The following TOB2 variants were observed in gnomAD, a reference collection of about 807,000 sequenced individuals.
TOB2 encodes the protein transducer of ERBB2, 2.
TOB2 carries 3 observed loss-of-function variants against 17.3 expected under a neutral mutation model. The observed-to-expected ratio is 0.17, with a 90% CI of 0.08 to 0.45. The LOEUF (loss-of-function observed/expected upper bound fraction) is 0.45. Among genes scored for constraint, TOB2 ranks in the 20% least tolerant of loss-of-function variants. The pLI, the probability that TOB2 is intolerant of heterozygous loss-of-function variation, is 0.99. For synonymous variants in TOB2, 163 were observed against 185.6 expected (o/e 0.88, Z 0.99); for missense variants, 407 against 445.7 (o/e 0.91, Z 0.78).
rs1233428194 is a variant in TOB2 at position 41,437,281 on chromosome 22, C to T, written c.65G>A (p.Arg22Gln). Residue 22 changes from arginine (R) to glutamine (Q), a missense_variant, in exon 2 of 2, where the codon CGG (arginine) becomes CAG (glutamine). Physicochemically the swap from Arg to Gln is conservative, Grantham distance 43. Transcript: ENST00000327492. ...IISYLYNKLPRRRADLFGEEL... is the reference protein window; with the variant it reads ...IISYLYNKLPQRRADLFGEEL... Reference sequence around the variant, plus strand: ...CTCCCCAAACAGGTCTGCCCGGCGCCGGGGCAGCTTGTTGTACAAGTAGGA... The same window carrying T: ...CTCCCCAAACAGGTCTGCCCGGCGCTGGGGCAGCTTGTTGTACAAGTAGGA... 3 of 1,614,108 alleles carry T rather than the reference C, an allele frequency of 1.9e-6. No individual in the cohort carries two copies. The highest frequency in any genetic ancestry group is 2.2e-5 in the East Asian group (1 of 44,872).
In TOB2 at chr22:41,436,571, C is replaced by T; in HGVS notation, c.775G>A (p.Glu259Lys). 1.9e-6 allele frequency: 3 copies of T among 1,610,412 alleles called. No individual in the cohort carries two copies. The highest frequency in any genetic ancestry group is 2.5e-6 in the Non-Finnish European group (3 of 1,178,362). The change falls in exon 2 of 2, where the codon GAG becomes AAG. Residue 259 changes from glutamate to lysine, a missense_variant. Physicochemically the swap from Glu to Lys is moderately conservative, Grantham distance 56. Transcript: ENST00000327492. This position sits in a 1 kb window ranked among gnomAD's most constrained non-coding sequence, Gnocchi z 4.8. The part of the protein sequence containing the change: ...PQSQLSPNAK[E>K]FVYNGGGSPS... ...GAGCCACCACCGTTGTACACGAACT[C>T]CTTGGCATTGGGTGAGAGCTGGGAC...
At position 41,437,313 on chromosome 22, in the gene TOB2, G is replaced by T; in HGVS notation, c.33C>A (p.Phe11Leu). The stretch of plus-strand genomic sequence containing the variant: ...GCTTGTTGTACAAGTAGGAGATGAT[G>T]AAGTTCAGGGCCACTTTGATCTCTA... MQLEIKVALN[F>L]IISYLYNKLP... Residue 11 changes from phenylalanine to leucine, a missense_variant, in exon 2 of 2, where the codon TTC becomes TTA. By Grantham distance (22) the Phe-to-Leu change is conservative (BLOSUM62 0). Transcript: ENST00000327492. 6.2e-7 allele frequency: 1 copy of T among 1,613,946 alleles called. No homozygotes were observed. The highest frequency in any genetic ancestry group is 1.1e-5 in the South Asian group (1 of 91,074).
At chr22:41,441,229 C>T (rs565826424) in intron 1 of TOB2, among the ~76,000 whole-genome samples, 1 of 151,248 alleles carries the variant, frequency 6.6e-6, no homozygotes, top group Admixed American at 6.6e-5. Context: ...GCAGGAGAAT[C>T]GCTTGAACCC....
chr22:41,443,276 C>T (rs1222098135), intron 1 of TOB2, among the ~76,000 whole-genome samples: 3 of 152,126 alleles, frequency 2.0e-5, no homozygotes, highest in African/African-American at 7.2e-5. Flanking sequence ...GTGTGTCACA[C>T]GCGCGCGCAT....
chr22:41,445,939 AC>A (rs906295786), intron 1 of TOB2, among the ~76,000 whole-genome samples: 5 of 150,818 alleles, frequency 3.3e-5, no homozygotes, highest in African/African-American at 1.2e-4. Flanking sequence ...AACAATTACC[AC>A]CCCCCTTCCC....
chr22:41,444,361 C>G (rs1601853797), intron 1 of TOB2, among the ~76,000 whole-genome samples: 1 of 152,352 alleles, frequency 6.6e-6, no homozygotes, highest in Middle Eastern at 3.4e-3. Context: ...CCCCTTTCGG[C>G]TATGAAGACC....
rs1158004375 is a variant in TOB2, at chr22:41,436,844, G to C, written c.502C>G (p.Pro168Ala). 1 of 1,614,154 alleles carries C rather than the reference G, an allele frequency of 6.2e-7. No individual in the cohort carries two copies. The highest frequency in any genetic ancestry group is 1.3e-5 in the African/African-American group (1 of 75,058). Reference sequence around the variant, plus strand: ...AAGGTGATGGGCTGAGCGGAGCGGGGAATGAAGGTAGGGCTGGGTGACTGG... The same window carrying C: ...AAGGTGATGGGCTGAGCGGAGCGGGCAATGAAGGTAGGGCTGGGTGACTGG... ...FGQSPSPTFI[P>A]RSAQPITFTT... Residue 168 changes from proline to alanine, a missense_variant, in exon 2 of 2, where the codon CCC becomes GCC. Transcript: ENST00000327492. This position sits in a 1 kb window ranked among gnomAD's most constrained non-coding sequence, Gnocchi z 4.8.
chr22:41,436,114 G>A lies in TOB2; in HGVS notation c.*197C>T, dbSNP rs777840923. The A allele has an allele frequency of 1.6e-4, 90 of 547,790 alleles. 1 individual carries two copies. The highest frequency in any genetic ancestry group is 1.4e-4 in the Non-Finnish European group (49 of 340,786). The allele number at this position is 547,790 out of a possible 1,614,324, so 33.9% of individuals were successfully genotyped here. On this transcript the variant is annotated 3_prime_UTR_variant, in exon 2 of 2. Coordinates refer to ENST00000327492, the MANE Select transcript of TOB2 (RefSeq NM_016272.4). This position sits in a 1 kb window ranked among gnomAD's most constrained non-coding sequence, Gnocchi z 4.8. ...ATAAATCACAGGCCGGTGGGCGAGC[G>A]GTAAGGGGTGAGTGAAACACACTTG... is the stretch of plus-strand genomic sequence containing the variant.
At position 41,436,474 on chromosome 22, in the gene TOB2, G is replaced by A; in HGVS notation, c.872C>T (p.Ala291Val). Residue 291 changes from alanine to valine, a missense_variant, in exon 2 of 2, where the codon GCT (alanine) becomes GTT (valine). Transcript: ENST00000327492. The surrounding 1 kb of genome is among the most constrained non-coding windows in gnomAD (Gnocchi z 4.8). ...AAAGCTGCTGCTGTTGCAGGTGCCA[G>A]CCCCACTGCCTCCAAACGGGCCTGG... Reference protein sequence around the residue: ...GTPGPFGGSGAGTCNSSSFDM... With the variant: ...GTPGPFGGSGVGTCNSSSFDM... 6.2e-7 allele frequency: 1 copy of A among 1,614,186 alleles called. No homozygotes were observed. Among genetic ancestry groups the A allele is most frequent in the Non-Finnish European group, 8.5e-7 (1 of 1,180,026 alleles).
Position 41,435,517 on chromosome 22 carries a change from C to G in TOB2, c.*794G>C, listed in dbSNP as rs1342359343. ...CCCCTCCCTACCCACAACATCCAGC[C>G]TGGGGAAGAAGGGGCTGCATGAGGG... On this transcript the variant is annotated 3_prime_UTR_variant, in exon 2 of 2. Coordinates refer to ENST00000327492, the MANE Select transcript of TOB2 (RefSeq NM_016272.4). 1 of 152,610 alleles carries G rather than the reference C, an allele frequency of 6.6e-6. No homozygotes were observed. Among genetic ancestry groups the G allele is most frequent in the Admixed American group, 6.5e-5 (1 of 15,284 alleles). The allele number at this position is 152,610 out of a possible 1,614,324, so 9.5% of individuals were successfully genotyped here.
Position 41,436,496 on chromosome 22 carries a change from C to T in TOB2, c.850G>A (p.Gly284Ser). 1 of 1,613,862 alleles carries T rather than the reference C, an allele frequency of 6.2e-7. No individual in the cohort carries two copies. The highest frequency in any genetic ancestry group is 8.5e-7 in the Non-Finnish European group (1 of 1,179,888). Residue 284 changes from glycine to serine, a missense_variant, in exon 2 of 2, where the codon GGC becomes AGC. Gly to Ser is a moderately conservative substitution (Grantham distance 56, BLOSUM62 0). Coordinates refer to ENST00000327492, the MANE Select transcript of TOB2 (RefSeq NM_016272.4). The surrounding 1 kb of genome is among the most constrained non-coding windows in gnomAD (Gnocchi z 4.8). ...CCAGCCCCACTGCCTCCAAACGGGC[C>T]TGGGGTGCCGCTGCCCTGGCCATCG... ...AADGQGSGTP[G>S]PFGGSGAGTC...
At chr22:41,441,925 G>GA (rs1363591293) in intron 1 of TOB2, among the ~76,000 whole-genome samples, 1 of 148,046 alleles carries the variant, frequency 6.8e-6, no homozygotes, top group Non-Finnish European at 1.5e-5. Flanking sequence ...AAAAAGAAAA[G>GA]AAAAAACCCC....
intron 1 of TOB2, among the ~76,000 whole-genome samples, chr22:41,441,270 G>A (rs998956826): frequency 3.3e-5 from 5 of 150,488 alleles, no homozygotes; most frequent in Non-Finnish European, 7.4e-5. Context: ...AGCTGAGATC[G>A]TGCCATTGCA....
In TOB2 at chr22:41,436,891, T is replaced by A; in HGVS notation, c.455A>T (p.Asn152Ile). 3 of 1,613,388 alleles carry A rather than the reference T, an allele frequency of 1.9e-6. No homozygotes were observed. ...CTGGCCAAAGGATGGCGATGGGGAG[T>A]TGGACAGGGAGCTGTCCTGGCTGCC... ...PIGSQDSSLS[N>I]SPSPSFGQSP... The change falls in exon 2 of 2, where the codon AAC becomes ATC. Residue 152 changes from asparagine to isoleucine, a missense_variant. By Grantham distance (149) the Asn-to-Ile change is moderately radical. Transcript: ENST00000327492. The surrounding 1 kb of genome is among the most constrained non-coding windows in gnomAD (Gnocchi z 4.8).
intron 1 of TOB2, among the ~76,000 whole-genome samples, chr22:41,442,961 CAAG>C (rs2037635445): frequency 1.3e-5 from 2 of 152,130 alleles, no homozygotes; most frequent in African/African-American, 2.4e-5. Context: ...AAAAAGGGAG[CAAG>C]AAGAATAAAA....
At chr22:41,440,784 C>A (rs2037609695) in intron 1 of TOB2, among the ~76,000 whole-genome samples, 1 of 152,034 alleles carries the variant, frequency 6.6e-6, no homozygotes. Context: ...CCAGGCTGCT[C>A]TTGAACTCCT....
At position 41,436,081 on chromosome 22, in the gene TOB2, C is replaced by A. The variant is rs2037542430; in HGVS notation, c.*230G>T. ...AAGAAAAAGAAATATAAAACCCAAA[C>A]CAACCAAATAAATCACAGGCCGGTG... On this transcript the variant is annotated 3_prime_UTR_variant, in exon 2 of 2. Transcript: ENST00000327492. The surrounding 1 kb of genome is among the most constrained non-coding windows in gnomAD (Gnocchi z 4.8). The A allele has an allele frequency of 2.3e-6, 1 of 440,702 alleles. No homozygotes were observed. Among genetic ancestry groups the A allele is most frequent in the Non-Finnish European group, 3.9e-6 (1 of 257,628 alleles). 27.3% of individuals were successfully genotyped at this position (440,702 alleles called of 1,614,324 possible).
At chr22:41,441,689 G>A in intron 1 of TOB2, among the ~76,000 whole-genome samples, 1 of 152,048 alleles carries the variant, frequency 6.6e-6, no homozygotes, top group Non-Finnish European at 1.5e-5. Context: ...TGAGGCGGGT[G>A]GATCACAAGG....
chr22:41,440,558 C>T (rs1245725920), intron 1 of TOB2, among the ~76,000 whole-genome samples: 1 of 151,504 alleles, frequency 6.6e-6, no homozygotes, highest in African/African-American at 2.4e-5. Context: ...CAGGCATGTA[C>T]CACCACACCT....
Sources: gnomAD v4.1 joint callset for allele counts (sites outside exome capture counted in the v4.1 genomes callset) on GRCh38, gnomAD v4.1.1 for gene constraint, Gnocchi (gnomAD v3.1) non-coding constraint, MANE v1.5 for transcripts, NCBI Gene and HGNC (gene_info 2026-07-23, HGNC 2026-07-21) for gene names.